The following NUDCD3 variants were observed in gnomAD, a reference collection of about 807,000 sequenced individuals.
NUDCD3 encodes the protein NudC domain containing 3.
NUDCD3 carries 13 observed loss-of-function variants against 39.7 expected under a neutral mutation model. The observed-to-expected ratio is 0.33, with a 90% confidence interval of 0.21 to 0.52. The LOEUF is 0.52. NUDCD3 is among the 20% of genes least tolerant of loss of function. The pLI, the probability that NUDCD3 is intolerant of heterozygous loss-of-function variation, is 0.96. For synonymous variants in NUDCD3, 175 were observed against 172.4 expected, an observed-to-expected ratio of 1.02 and a Z score of -0.12; for missense variants, 453 against 458.1, an observed-to-expected ratio of 0.99 and a Z score of 0.10.
intron 3 of NUDCD3, among the ~76,000 whole-genome samples, chr7:44,424,492 C>T (rs578226894): frequency 1.1e-4 from 17 of 152,176 alleles, no homozygotes; most frequent in African/African-American, 4.1e-4. Flanking sequence ...TATGAAGAGA[C>T]ACTTCTCAAA....
At chr7:44,398,784 C>T (rs1255129512) in intron 4 of NUDCD3, among the ~76,000 whole-genome samples, 1 of 152,190 alleles carries the variant, frequency 6.6e-6, no homozygotes, top group African/African-American at 2.4e-5. Flanking sequence ...GACGTTCCTT[C>T]CGGGAAGGCA....
At chr7:44,467,936 A>C (rs1324181848) in intron 2 of NUDCD3, 10 of 1,609,080 alleles carry the variant, frequency 6.2e-6, no homozygotes, top group Non-Finnish European at 7.6e-6. Context: ...CAAGATCGTC[A>C]AAAAGAGAAC....
Position 44,392,477 on chromosome 7 carries a change from C to G in NUDCD3, c.795G>C (p.Leu265=). 1 of 1,613,928 alleles carries G rather than the reference C, an allele frequency of 6.2e-7. No individual in the cohort carries two copies. Among genetic ancestry groups the G allele is most frequent in the Non-Finnish European group, 8.5e-7 (1 of 1,179,860 alleles). ...LEPGKCVLVN[L]SKVGEYWWNA... ...TCCACCAATACTCGCCCACCTTGCT[C>G]AGGTTCACCTGGGGACAAGCAGGAC... The change falls in exon 5 of 6, where the codon CTG becomes CTC. Residue 265 remains leucine (L), a synonymous_variant. Transcript: ENST00000355451.
chr7:44,428,512 T>A (rs1799285599), intron 2 of NUDCD3, among the ~76,000 whole-genome samples: 1 of 151,876 alleles, frequency 6.6e-6, no homozygotes, highest in Non-Finnish European at 1.5e-5. Flanking sequence ...ACCCCTAGCC[T>A]CTATTTTTTC....
rs1392460020 is a variant in NUDCD3 at position 44,381,796 on chromosome 7, C to T, written c.*4215G>A. 1 of 152,354 alleles carries T rather than the reference C, an allele frequency of 6.6e-6. No individual in the cohort carries two copies. The highest frequency in any genetic ancestry group is 2.4e-5 in the African/African-American group (1 of 41,438). The allele number at this position is 152,354 out of a possible 1,614,324, so 9.4% of individuals were successfully genotyped here. A position where few individuals can be genotyped will look rare whatever the true frequency, so the allele number is the denominator to read the frequency against. On this transcript the variant is annotated 3_prime_UTR_variant, in exon 6 of 6. Coordinates refer to ENST00000355451, the MANE Select transcript of NUDCD3 (RefSeq NM_015332.4). ...TGAGGGTGGCCACATTCCCACACCCCATGTGTGCCTATCTCCATCAGCACT... is the reference window on the plus strand; with the variant it reads ...TGAGGGTGGCCACATTCCCACACCCTATGTGTGCCTATCTCCATCAGCACT...
chr7:44,457,774 A>G (rs1315580435), intron 2 of NUDCD3, among the ~76,000 whole-genome samples: 1 of 152,236 alleles, frequency 6.6e-6, no homozygotes, highest in Non-Finnish European at 1.5e-5. Flanking sequence ...GAAAATGCAC[A>G]TGGAAACTAC....
intron 2 of NUDCD3, among the ~76,000 whole-genome samples, chr7:44,454,225 G>A (rs1226976896): frequency 6.6e-6 from 1 of 152,202 alleles, no homozygotes; most frequent in Non-Finnish European, 1.5e-5. Flanking sequence ...TGTAGTCCCA[G>A]CTACTGGGGA....
At chr7:44,392,859 C>CA (rs1563163620) in intron 4 of NUDCD3, among the ~76,000 whole-genome samples, 1 of 152,054 alleles carries the variant, frequency 6.6e-6, no homozygotes, top group African/African-American at 2.4e-5. Flanking sequence ...GACACCCCCC[C>CA]ACACCAGGAC....
At chr7:44,429,474 T>C (rs1799309950) in intron 2 of NUDCD3, among the ~76,000 whole-genome samples, 1 of 152,142 alleles carries the variant, frequency 6.6e-6, no homozygotes, top group African/African-American at 2.4e-5. Context: ...AGAGGGAAGA[T>C]CTTCCCCTAA....
chr7:44,392,505 A>C lies in NUDCD3; in HGVS notation c.787-20T>G, dbSNP rs1798540038. 6.2e-7 allele frequency: 1 copy of C among 1,610,774 alleles called. No individual in the cohort carries two copies. Among genetic ancestry groups the C allele is most frequent in the African/African-American group, 1.3e-5 (1 of 74,898 alleles). ...GTTCACCTGGGGACAAGCAGGACAG[A>C]GACCTGAGTCAGAGACCTGAGACAG... On this transcript the variant is annotated intron_variant, in intron 4 of 5. Coordinates refer to ENST00000355451, the MANE Select transcript of NUDCD3 (RefSeq NM_015332.4).
chr7:44,444,540 A>G (rs528486790), intron 2 of NUDCD3, among the ~76,000 whole-genome samples: 1 of 152,318 alleles, frequency 6.6e-6, no homozygotes, highest in Admixed American at 6.5e-5. Flanking sequence ...ATAGAATCTT[A>G]CACTAAGTCC....
rs1396781289 is a variant in NUDCD3 at position 44,485,153 on chromosome 7, T to C, written c.324A>G (p.Pro108=). ...TVSAAAAEKE[P]VPVPVQEIEI... ...CTATTTCCTGGACTGGAACTGGGAC[T>C]GGCTCCTTCTCAGCTGCAGCAGCTG... is the stretch of plus-strand genomic sequence containing the variant. The change falls in exon 2 of 6, where the codon CCA becomes CCG. Residue 108 remains proline (P), a synonymous_variant. Transcript: ENST00000355451. The C allele has an allele frequency of 6.2e-7, 1 of 1,614,114 alleles. No individual in the cohort carries two copies. The highest frequency in any genetic ancestry group is 8.5e-7 in the Non-Finnish European group (1 of 1,180,040).
intron 2 of NUDCD3, among the ~76,000 whole-genome samples, chr7:44,475,377 G>A (rs1178958821): frequency 6.6e-6 from 1 of 151,952 alleles, no homozygotes; most frequent in Admixed American, 6.6e-5. Flanking sequence ...AAATGCTAAG[G>A]ATACTCTGTT....
At chr7:44,433,523 GTGC>G (rs1799407888) in intron 2 of NUDCD3, among the ~76,000 whole-genome samples, 1 of 152,100 alleles carries the variant, frequency 6.6e-6, no homozygotes. Context: ...CAGTGTGTGT[GTGC>G]TATGTGCATG....
chr7:44,423,130 T>C (rs924037804), intron 3 of NUDCD3, among the ~76,000 whole-genome samples: 1 of 152,168 alleles, frequency 6.6e-6, no homozygotes, highest in Admixed American at 6.5e-5. Context: ...TAGGTACTAA[T>C]GGAACATATC....
intron 4 of NUDCD3, among the ~76,000 whole-genome samples, chr7:44,396,364 T>G (rs1017929980): frequency 6.6e-6 from 1 of 152,196 alleles, no homozygotes; most frequent in Admixed American, 6.5e-5. Context: ...AAATTTTAAT[T>G]ATTTATTTAT....
chr7:44,394,945 T>A (rs1448071670), intron 4 of NUDCD3, among the ~76,000 whole-genome samples: 1 of 152,228 alleles, frequency 6.6e-6, no homozygotes, highest in Non-Finnish European at 1.5e-5. Context: ...ATGAGCCACC[T>A]GCCCAACAGG....
chr7:44,489,579 T>C (rs1800688862), intron 1 of NUDCD3, among the ~76,000 whole-genome samples: 1 of 152,248 alleles, frequency 6.6e-6, no homozygotes, highest in Non-Finnish European at 1.5e-5. Flanking sequence ...CTGAATAGTT[T>C]CTTTTAATCT....
intron 2 of NUDCD3, among the ~76,000 whole-genome samples, chr7:44,476,809 G>T (rs888317041): frequency 6.6e-6 from 1 of 152,158 alleles, no homozygotes; most frequent in African/African-American, 2.4e-5. Context: ...AGCCATAAAG[G>T]AATAACGTAA....
Sources: gnomAD v4.1 joint callset for allele counts (sites outside exome capture counted in the v4.1 genomes callset) on GRCh38, gnomAD v4.1.1 for gene constraint, MANE v1.5 for transcripts, NCBI Gene and HGNC (gene_info 2026-07-23, HGNC 2026-07-21) for gene names.